Variants in KLHL18 observed in about 807,000 individuals in gnomAD.
The protein encoded by KLHL18 is kelch like family member 18.
A neutral mutation model predicts 58.5 loss-of-function variants in KLHL18; 38 were observed. The ratio of observed to expected loss-of-function variants is 0.65; its 90% confidence interval spans 0.50 to 0.85. The LOEUF (loss-of-function observed/expected upper bound fraction) is 0.85, where lower values mean the gene tolerates loss of function less well. Ranked by LOEUF, KLHL18 falls within the 40% of genes least tolerant of loss-of-function variation. The pLI is 0.00. For synonymous variants in KLHL18, 303 were observed against 301.9 expected, an observed-to-expected ratio of 1.00 and a Z score of -0.04; for missense variants, 624 against 778.4, an observed-to-expected ratio of 0.80 and a Z score of 2.36.
chr3:47,331,342 G>A (rs1703854724), intron 4 of KLHL18, among the ~76,000 whole-genome samples: 1 of 146,384 alleles, frequency 6.8e-6, no homozygotes, highest in African/African-American at 2.5e-5. Flanking sequence ...GGCCAGGCTG[G>A]TCTTGAACTC....
chr3:47,283,710 T>C (rs542283157), intron 1 of KLHL18, among the ~76,000 whole-genome samples: 2 of 152,204 alleles, frequency 1.3e-5, no homozygotes, highest in African/African-American at 4.8e-5. Flanking sequence ...AGAGGGATGC[T>C]GACTGATATT....
rs1248018654 is a variant in KLHL18 at position 47,316,506 on chromosome 3, TATATACATATATAC to T, written c.130-3141_130-3128del. On this transcript the variant is annotated intron_variant, in intron 1 of 9. Coordinates refer to ENST00000232766, the MANE Select transcript of KLHL18 (RefSeq NM_025010.5). ...ATACATATATACATATATATGTATA[TATATACATATATAC>T]ATATATATGTATATATATACATATA... is the stretch of plus-strand genomic sequence containing the variant. 0.012 allele frequency among the ~76,000 whole-genome samples: 52 copies of T among 4,232 alleles called. 4 individuals are homozygous for T. The Non-Finnish European group carries it at 0.15, about 13-fold the overall frequency. The allele number at this position is 4,232 out of a possible 152,430, so 2.8% of individuals were successfully genotyped here. A position where few individuals can be genotyped will look rare whatever the true frequency, so the allele number is the denominator to read the frequency against.
chr3:47,326,434 G>C (rs1187099306), intron 3 of KLHL18, among the ~76,000 whole-genome samples: 1 of 152,180 alleles, frequency 6.6e-6, no homozygotes, highest in Non-Finnish European at 1.5e-5. Context: ...TTGTGATGTG[G>C]CTAATGAAAG....
At chr3:47,336,355 A>G (rs1027937831) in intron 6 of KLHL18, among the ~76,000 whole-genome samples, 180 bp from the exon 7 acceptor site, 3 of 152,214 alleles carry the variant, frequency 2.0e-5, no homozygotes, top group Non-Finnish European at 4.4e-5. Flanking sequence ...GATTTTCCTT[A>G]AAGAATTAGG....
At chr3:47,331,312 A>C (rs143151265) in intron 4 of KLHL18, among the ~76,000 whole-genome samples, 2,006 of 149,506 alleles carry the variant, frequency 0.013, 22 homozygotes, top group Non-Finnish European at 0.02. Context: ...TTTTTAGTAG[A>C]GATGGGGTTT....
chr3:47,300,287 T>TTATATATATATATGTA (rs1553630134), intron 1 of KLHL18, among the ~76,000 whole-genome samples: 1 of 133,136 alleles, frequency 7.5e-6, no homozygotes, highest in Non-Finnish European at 1.6e-5. Flanking sequence ...CACCGGCATT[T>TTATATATATATATGTA]TATATATATA....
intron 1 of KLHL18, among the ~76,000 whole-genome samples, chr3:47,300,760 C>T (rs967111820): frequency 1.3e-4 from 20 of 151,378 alleles, no homozygotes. Context: ...CAGCCTCAGC[C>T]TCCCAGGTAG....
Position 47,329,958 on chromosome 3 carries a change from C to G in KLHL18, c.409C>G (p.Pro137Ala). ...CCTFLRERLH[P>A]KNCLGVRQFA... ...TCTTTCCTTATGCCAAAGGCTTCAC[C>G]CAAAAAACTGCCTGGGTGTGCGCCA... Residue 137 changes from proline (P) to alanine (A), a missense_variant, in exon 4 of 10, where the codon CCA becomes GCA. By Grantham distance (27) the Pro-to-Ala change is conservative. Transcript: ENST00000232766. 1 of 1,613,894 alleles carries G rather than the reference C, an allele frequency of 6.2e-7. No homozygotes were observed. Among genetic ancestry groups the G allele is most frequent in the South Asian group, 1.1e-5 (1 of 91,058 alleles).
intron 4 of KLHL18, 106 bp from the exon 5 acceptor site, chr3:47,333,051 C>A: frequency 8.5e-7 from 1 of 1,181,066 alleles, no homozygotes; most frequent in East Asian, 2.4e-5. Context: ...ATTGATGGGC[C>A]CAAGGGACTG....
chr3:47,286,802 T>A (rs2107570883), intron 1 of KLHL18, among the ~76,000 whole-genome samples: 1 of 152,290 alleles, frequency 6.6e-6, no homozygotes, highest in East Asian at 1.9e-4. Context: ...TTTGGGAGCC[T>A]TATGGTAGGA....
At chr3:47,337,003 T>C (rs1704003011) in intron 7 of KLHL18, 1 of 492,596 alleles carries the variant, frequency 2.0e-6, no homozygotes, top group East Asian at 3.6e-5. Flanking sequence ...TGTGTTGTTA[T>C]TTTAAGTGCC....
intron 3 of KLHL18, among the ~76,000 whole-genome samples, chr3:47,323,356 A>G (rs1210752097): frequency 6.6e-6 from 1 of 152,206 alleles, no homozygotes. Context: ...GATTACAGGC[A>G]TAAGCCACTG....
intron 1 of KLHL18, among the ~76,000 whole-genome samples, chr3:47,286,396 T>C (rs1329099693): frequency 2.0e-5 from 3 of 152,224 alleles, no homozygotes; most frequent in African/African-American, 7.2e-5. Flanking sequence ...TGTCAAAGTC[T>C]TCCTTCAGTT....
intron 1 of KLHL18, among the ~76,000 whole-genome samples, chr3:47,300,492 T>C (rs925591156): frequency 6.6e-6 from 1 of 150,496 alleles, no homozygotes; most frequent in African/African-American, 2.4e-5. Context: ...GGTCTTGAAC[T>C]CCTGGGCTCA....
At chr3:47,324,019 T>C (rs896511039) in intron 3 of KLHL18, among the ~76,000 whole-genome samples, 1 of 152,158 alleles carries the variant, frequency 6.6e-6, no homozygotes, top group Non-Finnish European at 1.5e-5. Context: ...AGTGGGGAGC[T>C]CATCTGCTGA....
At chr3:47,343,302 A>C (rs1704150353) in intron 9 of KLHL18, among the ~76,000 whole-genome samples, 1 of 152,220 alleles carries the variant, frequency 6.6e-6, no homozygotes, top group African/African-American at 2.4e-5. Flanking sequence ...GTCACTACCT[A>C]GCATTGCATC....
At chr3:47,302,159 C>T (rs756298554) in intron 1 of KLHL18, among the ~76,000 whole-genome samples, 9 of 152,052 alleles carry the variant, frequency 5.9e-5, no homozygotes, top group African/African-American at 2.2e-4. Context: ...TGTATTCTTA[C>T]GATAAAGGAA....
intron 3 of KLHL18, among the ~76,000 whole-genome samples, chr3:47,329,019 C>T (rs1312589971): frequency 6.6e-6 from 1 of 151,824 alleles, no homozygotes; most frequent in Non-Finnish European, 1.5e-5. Context: ...GTCCCAGCTA[C>T]TTGCAGGGCT....
At chr3:47,291,009 C>G (rs1702780888) in intron 1 of KLHL18, among the ~76,000 whole-genome samples, 1 of 152,156 alleles carries the variant, frequency 6.6e-6, no homozygotes, top group South Asian at 2.1e-4. Flanking sequence ...ACCAGTCAAG[C>G]AACATTCATC....
Sources: gnomAD v4.1 joint callset for allele counts (sites outside exome capture counted in the v4.1 genomes callset) on GRCh38, gnomAD v4.1.1 for gene constraint, MANE v1.5 for transcripts, NCBI Gene and HGNC (gene_info 2026-07-23, HGNC 2026-07-21) for gene names.